The following F12 variants were observed in gnomAD, a reference collection of about 807,000 sequenced individuals.
The protein encoded by F12 is coagulation factor XII, also known as Hageman factor.
In F12, 70 loss-of-function variants were observed where a neutral mutation model predicts 74.8. That is an observed-to-expected ratio of 0.94 (90% CI 0.77 to 1.14). The LOEUF is 1.14. F12 is among the 50% of genes most tolerant of loss of function. F12 has a pLI of 0.00. For synonymous variants in F12, 373 were observed against 356.4 expected, an observed-to-expected ratio of 1.05 and a Z score of -0.52; for missense variants, 811 against 835.7, an observed-to-expected ratio of 0.97 and a Z score of 0.36.
chr5:177,405,595 C>T (rs969150819), intron 4 of F12, 140 bp downstream of exon 4: 11 of 1,204,570 alleles, frequency 9.1e-6, no homozygotes, highest in East Asian at 7.2e-5. Context: ...AGAACTCTCC[C>T]TCTGGACTTC....
chr5:177,404,895 G>C lies in F12; in HGVS notation c.549C>G (p.Cys183Trp). 6.2e-7 allele frequency: 1 copy of C among 1,606,764 alleles called. No individual in the cohort carries two copies. Among genetic ancestry groups the C allele is most frequent in the South Asian group, 1.1e-5 (1 of 90,436 alleles). Residue 183 changes from cysteine (C) to tryptophan (W), a missense_variant, in exon 7 of 14, where the codon TGC becomes TGG. By Grantham distance (215) the Cys-to-Trp change is radical. Transcript: ENST00000253496. ...CCTCTAGGCAGCGACCCCCATGGAG[G>C]CACGGGTTGGTGCGGCAGGCTTGGG... ...LASQACRTNP[C>W]LHGGRCLEVE...
intron 5 of F12, 50 bp downstream of exon 5, chr5:177,405,273 G>C: frequency 1.9e-6 from 3 of 1,613,438 alleles, no homozygotes; most frequent in Non-Finnish European, 2.5e-6. Flanking sequence ...GTAGGCCCAG[G>C]GTTGCCCCTG....
chr5:177,403,615 G>T lies in F12; in HGVS notation c.1253C>A (p.Pro418His), dbSNP rs770910748. Residue 418 changes from proline (P) to histidine (H), a missense_variant and splice_region_variant, in exon 11 of 14, where the codon CCC becomes CAC. Coordinates refer to ENST00000253496, the MANE Select transcript of F12 (RefSeq NM_000505.4). ...CACCACCGTCAGATCCTCGGGTGCG[G>T]GCCTGCGGGGGGGGTAGGGGAGAGG... is the stretch of plus-strand genomic sequence containing the variant. ...LTAAHCLQDR[P>H]APEDLTVVLG... 6.2e-7 allele frequency: 1 copy of T among 1,604,556 alleles called. No individual in the cohort carries two copies.
At position 177,404,083 on chromosome 5, in the gene F12, C is replaced by T; in HGVS notation, c.1026G>A (p.Pro342=). Residue 342 remains proline, a synonymous_variant, in exon 10 of 14, where the codon CCG becomes CCA. Transcript: ENST00000253496. The stretch of plus-strand genomic sequence containing the variant: ...GGGAAGGCGGCTGCTCCCGCTTCGC[C>T]GGCAAGGCTGTGGAGGAGCAGGGGC... The part of the protein sequence containing the change: ...PPQSQTPGAL[P]AKREQPPSLT... 6.2e-7 allele frequency: 1 copy of T among 1,602,544 alleles called. No homozygotes were observed. Among genetic ancestry groups the T allele is most frequent in the Non-Finnish European group, 8.5e-7 (1 of 1,178,748 alleles).
In F12 at chr5:177,404,275, G is replaced by A. The variant is rs755085807; in HGVS notation, c.939C>T (p.Val313=). 8 of 1,597,764 alleles carry A rather than the reference G, an allele frequency of 5.0e-6. No homozygotes were observed. The South Asian group carries it at 7.8e-5, about 16-fold the overall frequency. Residue 313 remains valine (V), a synonymous_variant, in exon 9 of 14, where the codon GTC becomes GTT. Coordinates refer to ENST00000253496, the MANE Select transcript of F12 (RefSeq NM_000505.4). ...PPTPVSPRLH[V]PLMPAQPAPP... ...GTGCCGGCTGCGCGGGCATGAGTGG[G>A]ACATGAAGCCTAGGGGACACCGGGG...
In F12 at chr5:177,404,372, T is replaced by C. The variant is rs1222823597; in HGVS notation, c.842A>G (p.Asn281Ser). The C allele has an allele frequency of 1.2e-6, 2 of 1,611,924 alleles. No homozygotes were observed. The highest frequency in any genetic ancestry group is 3.3e-5 in the Admixed American group (2 of 59,930). ...NDIRPWCFVL[N>S]RDRLSWEYCD... ...GTACTCCCAGCTCAGCCGGTCGCGG[T>C]TCAGCACGAAGCACCACGGGCGGAT... is the stretch of plus-strand genomic sequence containing the variant. The change falls in exon 9 of 14, where the codon AAC becomes AGC. Residue 281 changes from asparagine (N) to serine (S), a missense_variant. Asn to Ser is a conservative substitution (Grantham distance 46). Coordinates refer to ENST00000253496, the MANE Select transcript of F12 (RefSeq NM_000505.4).
In F12 at chr5:177,404,864, C is replaced by A. The variant is rs1465538438; in HGVS notation, c.580G>T (p.Gly194Cys). The change falls in exon 7 of 14, where the codon GGC becomes TGC. Residue 194 changes from glycine to cysteine, a missense_variant. By Grantham distance (159) the Gly-to-Cys change is radical (BLOSUM62 -3). Transcript: ENST00000253496. ...LHGGRCLEVE[G>C]HRLCHCPVGY... ...ACCGGGCAGTGGCACAGGCGGTGGC[C>A]CTCCACCTCTAGGCAGCGACCCCCA... The A allele has an allele frequency of 6.2e-7, 1 of 1,609,842 alleles. No homozygotes were observed. Among genetic ancestry groups the A allele is most frequent in the East Asian group, 2.2e-5 (1 of 44,758 alleles).
chr5:177,406,720 T>G lies in F12; in HGVS notation c.116-659A>C, dbSNP rs1489333420. Reference sequence around the variant, plus strand: ...TAAAACGGCAGTAATAATAGTACAGTTGATCCTCATTCTTCTCTGGTTCTA... The same window carrying G: ...TAAAACGGCAGTAATAATAGTACAGGTGATCCTCATTCTTCTCTGGTTCTA... On this transcript the variant is annotated intron_variant, in intron 2 of 13. Coordinates refer to ENST00000253496, the MANE Select transcript of F12 (RefSeq NM_000505.4). 2.0e-5 allele frequency among the ~76,000 whole-genome samples: 3 copies of G among 152,350 alleles called. No individual in the cohort carries two copies. In the East Asian group the frequency reaches 5.8e-4, roughly 29 times the overall value.
intron 12 of F12, 153 bp from the exon 13 acceptor site, chr5:177,402,851 A>C: frequency 2.7e-6 from 3 of 1,103,472 alleles, no homozygotes; most frequent in Non-Finnish European, 2.7e-6. Flanking sequence ...ATTCAATTTC[A>C]TAGGCAAGGA....
chr5:177,409,162 G>T, intron 1 of F12, 59 bp from the exon 2 acceptor site: 1 of 1,505,872 alleles, frequency 6.6e-7, no homozygotes, highest in Non-Finnish European at 9.0e-7. Context: ...CCACCGATCT[G>T]TTGCTAGTCT....
chr5:177,402,934 C>T (rs1341095283), intron 12 of F12: 2 of 686,722 alleles, frequency 2.9e-6, no homozygotes, highest in East Asian at 5.5e-5. Flanking sequence ...CACCACCCAT[C>T]CAGAGTCGCA....
intron 2 of F12, among the ~76,000 whole-genome samples, chr5:177,406,944 G>A (rs1763309372): frequency 6.6e-6 from 1 of 152,180 alleles, no homozygotes; most frequent in Non-Finnish European, 1.5e-5. Context: ...TCTACTTAGT[G>A]CAACGTTTTT....
In F12 at chr5:177,402,352, T is replaced by C; in HGVS notation, c.1788A>G (p.Pro596=). Residue 596 remains proline, a synonymous_variant, in exon 14 of 14, where the codon CCA becomes CCG. Transcript: ENST00000253496. ...AGTAGGCCACATCGGTGTAGACGCC[T>C]GGCTTGTTGCGGTCACCACAGCCCG... ...WGSGCGDRNK[P]GVYTDVAYYL... is the part of the protein sequence containing the mutation. The C allele has an allele frequency of 6.2e-7, 1 of 1,613,798 alleles. No homozygotes were observed. The highest frequency in any genetic ancestry group is 8.5e-7 in the Non-Finnish European group (1 of 1,180,006).
At chr5:177,407,679 G>A (rs927265987) in intron 2 of F12, among the ~76,000 whole-genome samples, 5 of 152,022 alleles carry the variant, frequency 3.3e-5, no homozygotes, top group Non-Finnish European at 7.4e-5. Flanking sequence ...CCAGCAACTC[G>A]GGAGGCTGAG....
At position 177,403,368 on chromosome 5, in the gene F12, C is replaced by G; in HGVS notation, c.1417G>C (p.Gly473Arg). 1.9e-6 allele frequency: 3 copies of G among 1,598,712 alleles called. No individual in the cohort carries two copies. The highest frequency in any genetic ancestry group is 1.7e-6 in the Non-Finnish European group (2 of 1,179,402). ...ALLRLQEDAD[G>R]SCALLSPYVQ... ...TAAGGCGACAGGAGCGCGCAGCTGCCGTCCGCATCCTCCTGAAGGCGCAAC... is the reference window on the plus strand; with the variant it reads ...TAAGGCGACAGGAGCGCGCAGCTGCGGTCCGCATCCTCCTGAAGGCGCAAC... The change falls in exon 12 of 14, where the codon GGC becomes CGC. Residue 473 changes from glycine (G) to arginine (R), a missense_variant. By Grantham distance (125) the Gly-to-Arg change is moderately radical. Coordinates refer to ENST00000253496, the MANE Select transcript of F12 (RefSeq NM_000505.4).
intron 2 of F12, among the ~76,000 whole-genome samples, chr5:177,407,510 C>T (rs1006390819): frequency 5.3e-5 from 8 of 152,136 alleles, no homozygotes; most frequent in African/African-American, 1.9e-4. Flanking sequence ...GGGGGCCAGG[C>T]GCGGTGGCTC....
In F12 at chr5:177,403,621, CG is replaced by C. The variant is rs530070405; in HGVS notation, c.1251-5del. 6.6e-5 allele frequency: 106 copies of C among 1,598,662 alleles called. No homozygotes were observed. The highest frequency in any genetic ancestry group is 5.8e-4 in the African/African-American group (43 of 74,514). The stretch of plus-strand genomic sequence containing the variant: ...CGTCAGATCCTCGGGTGCGGGCCTG[CG>C]GGGGGGGTAGGGGAGAGGCAGCGCT... On this transcript the variant is annotated splice_polypyrimidine_tract_variant and splice_region_variant and intron_variant, in intron 10 of 13. Transcript: ENST00000253496.
Position 177,404,932 on chromosome 5 carries a change from G to A in F12, c.530-18C>T. 6.3e-7 allele frequency: 1 copy of A among 1,592,390 alleles called. No homozygotes were observed. Among genetic ancestry groups the A allele is most frequent in the Non-Finnish European group, 8.5e-7 (1 of 1,173,432 alleles). ...GCGGCAGGCTTGGGGAGGGAACGCAGTGAGCCACCCCTGGGCCTAAAGACC... is the reference window on the plus strand; with the variant it reads ...GCGGCAGGCTTGGGGAGGGAACGCAATGAGCCACCCCTGGGCCTAAAGACC... On this transcript the variant is annotated intron_variant, in intron 6 of 13. Coordinates refer to ENST00000253496, the MANE Select transcript of F12 (RefSeq NM_000505.4).
chr5:177,403,797 G>A (rs1763208022), intron 10 of F12, 62 bp downstream of exon 10: 1 of 1,463,296 alleles, frequency 6.8e-7, no homozygotes, highest in South Asian at 1.3e-5. Flanking sequence ...CAGCGTGGAA[G>A]CTGCGCTGGG....
Sources: allele counts gnomAD v4.1 joint callset (sites outside exome capture counted in the v4.1 genomes callset), GRCh38; gene constraint gnomAD v4.1.1; transcripts MANE v1.5; gene names NCBI Gene and HGNC (gene_info 2026-07-23, HGNC 2026-07-21).